The following CBLB variants were observed in gnomAD, a reference collection of about 807,000 sequenced individuals.
CBLB encodes the protein Cbl proto-oncogene B.
CBLB carries 31 observed loss-of-function variants against 104.9 expected under a neutral mutation model. The ratio of observed to expected loss-of-function variants is 0.30; its 90% CI spans 0.22 to 0.40. The LOEUF (loss-of-function observed/expected upper bound fraction) is 0.40, where lower values mean the gene tolerates loss of function less well. Ranked by LOEUF, CBLB falls within the 10% of genes least tolerant of loss-of-function variation. CBLB has a pLI of 1.00. For synonymous variants in CBLB, 440 were observed against 422.6 expected (o/e 1.04, Z -0.51); for missense variants, 1,062 against 1,214.6 (o/e 0.87, Z 1.87).
At chr3:105,702,605 A>C (rs547421148) in intron 11 of CBLB, 146 bp from the exon 12 acceptor site, 40 of 823,302 alleles carry the variant, frequency 4.9e-5, no homozygotes, top group Non-Finnish European at 7.1e-5. Context: ...CCATCTTTTA[A>C]TAAGTTGCTT....
chr3:105,869,223 A>G (rs541748992), upstream of CBLB: 3 of 649,300 alleles, frequency 4.6e-6, no homozygotes, highest in East Asian at 1.5e-4. Context: ...CGCTCGCAGC[A>G]CGTCAGAAAG....
At chr3:105,745,830 G>C (rs1576821334) in intron 6 of CBLB, 87 bp downstream of exon 6, 1 of 1,179,066 alleles carries the variant, frequency 8.5e-7, no homozygotes, top group African/African-American at 1.5e-5. Context: ...TGCCATCAGC[G>C]GGTATTGCTG....
intron 3 of CBLB, among the ~76,000 whole-genome samples, chr3:105,852,291 T>G (rs2091036701): frequency 1.3e-5 from 2 of 152,018 alleles, no homozygotes; most frequent in Admixed American, 1.3e-4. Flanking sequence ...GACCTTCCAG[T>G]GGAATAAGAT....
intron 3 of CBLB, among the ~76,000 whole-genome samples, chr3:105,780,435 CAACT>C (rs958225665): frequency 5.3e-5 from 8 of 152,118 alleles, no homozygotes; most frequent in Non-Finnish European, 8.8e-5. Context: ...AATCCCCAAA[CAACT>C]AACTAAATAA....
At chr3:105,699,552 G>A (rs1020328716) in intron 12 of CBLB, among the ~76,000 whole-genome samples, 19 of 152,142 alleles carry the variant, frequency 1.2e-4, no homozygotes, top group Non-Finnish European at 2.2e-4. Flanking sequence ...TCCAACCCAG[G>A]ATCACAGAAA....
intron 12 of CBLB, among the ~76,000 whole-genome samples, chr3:105,695,209 CATAG>C (rs1441709662): frequency 6.6e-6 from 1 of 151,718 alleles, no homozygotes; most frequent in Non-Finnish European, 1.5e-5. Flanking sequence ...AAGCATCCAA[CATAG>C]ATAGATGCTT....
chr3:105,782,763 G>A (rs2080448253), intron 3 of CBLB, among the ~76,000 whole-genome samples: 1 of 151,824 alleles, frequency 6.6e-6, no homozygotes, highest in South Asian at 2.1e-4. Flanking sequence ...GTAGAGAAGG[G>A]GTTTCTCCAT....
chr3:105,828,608 AT>A (rs1247588023), intron 3 of CBLB, among the ~76,000 whole-genome samples: 7 of 152,126 alleles, frequency 4.6e-5, no homozygotes, highest in African/African-American at 9.7e-5. Context: ...AGTTCCACAC[AT>A]TTTTTTAGCA....
At chr3:105,786,817 T>A (rs2081079881) in intron 3 of CBLB, among the ~76,000 whole-genome samples, 1 of 152,176 alleles carries the variant, frequency 6.6e-6, no homozygotes. Flanking sequence ...CTCAGAATAG[T>A]TATATAGATA....
rs143538459 is a variant in CBLB, at chr3:105,855,329, G to A, written c.169-1665C>T. On this transcript the variant is annotated intron_variant, in intron 2 of 18. Transcript: ENST00000394030. ...AAGTTATGTAGGATAATTAATACTGGAGATCTAATGTACAGCATGAGGCCT... is the reference window on the plus strand; with the variant it reads ...AAGTTATGTAGGATAATTAATACTGAAGATCTAATGTACAGCATGAGGCCT... 8.3e-3 allele frequency among the ~76,000 whole-genome samples: 1,256 copies of A among 152,232 alleles called. 8 individuals carry two copies. Among genetic ancestry groups the A allele is most frequent in the South Asian group, 0.025 (122 of 4,824 alleles).
intron 3 of CBLB, among the ~76,000 whole-genome samples, chr3:105,834,525 A>C (rs944505772): frequency 4.6e-5 from 7 of 152,044 alleles, no homozygotes; most frequent in African/African-American, 1.7e-4. Context: ...GCGTGGTGGC[A>C]GGCACCTGTA....
intron 7 of CBLB, among the ~76,000 whole-genome samples, chr3:105,738,036 C>T (rs2075138187): frequency 6.6e-6 from 1 of 152,036 alleles, no homozygotes; most frequent in Non-Finnish European, 1.5e-5. Flanking sequence ...ATAAAATTTA[C>T]TGTGTTGGTA....
At chr3:105,783,857 G>A (rs992003908) in intron 3 of CBLB, among the ~76,000 whole-genome samples, 2 of 152,148 alleles carry the variant, frequency 1.3e-5, no homozygotes, top group African/African-American at 4.8e-5. Flanking sequence ...TCATTCACAT[G>A]GATTTTGAAA....
intron 3 of CBLB, among the ~76,000 whole-genome samples, chr3:105,823,392 C>T (rs1308564502): frequency 2.6e-5 from 4 of 152,146 alleles, no homozygotes; most frequent in Non-Finnish European, 5.9e-5. Context: ...CAGACTGAAC[C>T]ATTATTTCTC....
intron 12 of CBLB, among the ~76,000 whole-genome samples, chr3:105,698,413 G>A (rs546269707): frequency 1.3e-5 from 2 of 151,918 alleles, no homozygotes; most frequent in East Asian, 1.9e-4. Flanking sequence ...GAAGGGAAGC[G>A]AGTCCTCGCC....
intron 3 of CBLB, among the ~76,000 whole-genome samples, chr3:105,837,703 A>T (rs555551303): frequency 1.3e-5 from 2 of 152,286 alleles, no homozygotes; most frequent in Non-Finnish European, 1.5e-5. Flanking sequence ...TACAGTTAAG[A>T]GTTGCTTTGA....
At chr3:105,863,468 G>C (rs10511246) in intron 2 of CBLB, among the ~76,000 whole-genome samples, 1 of 152,022 alleles carries the variant, frequency 6.6e-6, no homozygotes, top group South Asian at 2.1e-4. Flanking sequence ...CTCTAGGAAT[G>C]TAAGAGTCTC....
intron 3 of CBLB, among the ~76,000 whole-genome samples, chr3:105,850,543 C>CA (rs1430958170): frequency 6.6e-6 from 1 of 152,096 alleles, no homozygotes; most frequent in African/African-American, 2.4e-5. Flanking sequence ...TAAACTATCA[C>CA]TATCATGAAT....
intron 18 of CBLB, among the ~76,000 whole-genome samples, chr3:105,669,821 T>G (rs2064875941): frequency 6.6e-6 from 1 of 152,144 alleles, no homozygotes; most frequent in African/African-American, 2.4e-5. Flanking sequence ...TGGCTGTCAG[T>G]GCAGCACTGG....
Sources: gnomAD v4.1 joint callset for allele counts (sites outside exome capture counted in the v4.1 genomes callset) on GRCh38, gnomAD v4.1.1 for gene constraint, MANE v1.5 for transcripts, NCBI Gene and HGNC (gene_info 2026-07-23, HGNC 2026-07-21) for gene names.